Variants in LRP1B observed in about 807,000 individuals in gnomAD.
LRP1B encodes the protein LDL receptor related protein 1B.
A neutral mutation model predicts 556.6 loss-of-function variants in LRP1B; 217 were observed. The observed-to-expected ratio is 0.39, with a 90% CI of 0.35 to 0.44. The LOEUF is 0.44. LRP1B is among the 20% of genes least tolerant of loss of function. LRP1B has a pLI of 1.00. For missense variants in LRP1B, 5,053 were observed against 5,620.8 expected (o/e 0.90, Z 3.23); for synonymous variants, 2,047 against 1,865.8 (o/e 1.10, Z -2.50).
In LRP1B at chr2:141,015,692, T is replaced by G; in HGVS notation, c.2190+4A>C. ...GGTTAAAAACAGCAGCATTTGTCTT[T>G]TACCTTCCTGTGAGTCCCATTCAAA... On this transcript the variant is annotated splice_donor_region_variant and intron_variant, in intron 13 of 90. Coordinates refer to ENST00000389484, the MANE Select transcript of LRP1B (RefSeq NM_018557.3). 6.2e-7 allele frequency: 1 copy of G among 1,606,816 alleles called. No homozygotes were observed. The highest frequency in any genetic ancestry group is 1.1e-5 in the South Asian group (1 of 90,840).
intron 1 of LRP1B, among the ~76,000 whole-genome samples, chr2:141,873,419 G>A (rs1244274657): frequency 6.6e-6 from 1 of 152,026 alleles, no homozygotes; most frequent in East Asian, 1.9e-4. Flanking sequence ...AAAGCCAAAT[G>A]AGGTAAAAGC....
At chr2:141,829,336 C>T (rs879326229) in intron 1 of LRP1B, among the ~76,000 whole-genome samples, 1 of 151,910 alleles carries the variant, frequency 6.6e-6, no homozygotes, top group South Asian at 2.1e-4. Flanking sequence ...CTTTCTTGTT[C>T]TAAAGAGCGT....
chr2:141,611,938 T>A (rs1342957094), intron 2 of LRP1B, among the ~76,000 whole-genome samples: 1 of 152,228 alleles, frequency 6.6e-6, no homozygotes, highest in East Asian at 1.9e-4. Flanking sequence ...TCTGGATAAT[T>A]ATCAGCCATT....
intron 7 of LRP1B, among the ~76,000 whole-genome samples, chr2:141,155,510 G>T (rs1702045409): frequency 1.3e-5 from 2 of 150,620 alleles, no homozygotes; most frequent in South Asian, 2.1e-4. Flanking sequence ...TAAGTTCTGG[G>T]ATACATGTAC....
chr2:141,321,656 G>C (rs1199378139), intron 3 of LRP1B, among the ~76,000 whole-genome samples: 1 of 152,080 alleles, frequency 6.6e-6, no homozygotes, highest in African/African-American at 2.4e-5. Context: ...AGATTACTGA[G>C]AGGTGTGACA....
rs762774627 is a variant in LRP1B, at chr2:141,062,206, G to A, written c.1081C>T (p.Arg361Ter). The change falls in exon 8 of 91, where the codon CGA (arginine) becomes TGA (stop). Residue 361 changes from arginine to a stop codon, truncating the protein, a stop_gained. Transcript: ENST00000389484. LOFTEE classifies it high-confidence loss of function. ...GTCTTTGAATCAATTATCCTTGTTC[G>A]GTTCATCCCATCCATGTCACATCTC... ...VERCDMDGMN[R>*]TRIIDSKTEQ... The A allele has an allele frequency of 1.2e-6, 2 of 1,611,562 alleles. No homozygotes were observed. The highest frequency in any genetic ancestry group is 1.1e-5 in the South Asian group (1 of 91,012).
intron 7 of LRP1B, among the ~76,000 whole-genome samples, chr2:141,067,594 T>C (rs1699512906): frequency 6.6e-6 from 1 of 152,036 alleles, no homozygotes; most frequent in Non-Finnish European, 1.5e-5. Flanking sequence ...TGTGGCTGAC[T>C]CGTTGAACGT....
Position 141,618,928 on chromosome 2 carries a change from A to T in LRP1B, c.206-138395T>A, listed in dbSNP as rs139091282. 2.6e-4 allele frequency among the ~76,000 whole-genome samples: 39 copies of T among 152,330 alleles called. No individual in the cohort carries two copies. In the East Asian group the frequency reaches 6.4e-3, roughly 25 times the overall value. On this transcript the variant is annotated intron_variant, in intron 2 of 90. Coordinates refer to ENST00000389484, the MANE Select transcript of LRP1B (RefSeq NM_018557.3). ...AGATAAAGAGGAAAATACATTATAT[A>T]TTGGTAGCAAGACAGAAACAAACTT...
intron 3 of LRP1B, among the ~76,000 whole-genome samples, chr2:141,289,752 C>T (rs368836126): frequency 6.6e-6 from 1 of 152,048 alleles, no homozygotes; most frequent in Non-Finnish European, 1.5e-5. Flanking sequence ...TAGGAAAACA[C>T]GAAACAGTAA....
In LRP1B at chr2:140,557,116, C is replaced by T. The variant is rs1241232709; in HGVS notation, c.7195-15145G>A. Among the ~76,000 whole-genome samples, 3 of 152,072 alleles carry T rather than the reference C, an allele frequency of 2.0e-5. 1 individual carries two copies. In the South Asian group the frequency reaches 6.2e-4, roughly 31 times the overall value. ...GTTTTCAATCAAATTTATTACAGTA[C>T]GATTTACATACCAAGTGAGTTTTAA... On this transcript the variant is annotated intron_variant, in intron 43 of 90. Coordinates refer to ENST00000389484, the MANE Select transcript of LRP1B (RefSeq NM_018557.3).
chr2:141,529,766 G>A (rs1337691950), intron 2 of LRP1B, among the ~76,000 whole-genome samples: 2 of 151,994 alleles, frequency 1.3e-5, no homozygotes, highest in East Asian at 1.9e-4. Flanking sequence ...TCTACATAAA[G>A]GATCTTGGTA....
At chr2:141,407,815 C>T (rs62167976) in intron 3 of LRP1B, among the ~76,000 whole-genome samples, 63,574 of 151,980 alleles carry the variant, frequency 0.42, 14,585 homozygotes, top group Non-Finnish European at 0.53. Context: ...TTCTTTTTAA[C>T]GATGTAAGAA....
chr2:141,327,290 A>G (rs1170113233), intron 3 of LRP1B, among the ~76,000 whole-genome samples: 1 of 152,188 alleles, frequency 6.6e-6, no homozygotes, highest in Non-Finnish European at 1.5e-5. Flanking sequence ...GCAAAGTAAA[A>G]TGTAAGGAGC....
chr2:141,668,357 G>A (rs1200405199), intron 2 of LRP1B, among the ~76,000 whole-genome samples: 1 of 152,128 alleles, frequency 6.6e-6, no homozygotes, highest in Non-Finnish European at 1.5e-5. Flanking sequence ...TCCTAAATGG[G>A]AACAGGCATT....
At chr2:141,963,678 T>A (rs1701472536) in intron 1 of LRP1B, among the ~76,000 whole-genome samples, 1 of 149,964 alleles carries the variant, frequency 6.7e-6, no homozygotes, top group African/African-American at 2.5e-5. Context: ...CTTTGAAAAC[T>A]GGCACAAGAC....
At chr2:141,464,727 C>T (rs1682113970) in intron 3 of LRP1B, among the ~76,000 whole-genome samples, 3 of 150,994 alleles carry the variant, frequency 2.0e-5, no homozygotes, top group Admixed American at 1.3e-4. Flanking sequence ...CCCCTGCGCC[C>T]GTCCCTTTGC....
intron 1 of LRP1B, among the ~76,000 whole-genome samples, chr2:141,846,765 AC>A (rs1007838022): frequency 6.6e-5 from 10 of 151,432 alleles, no homozygotes; most frequent in African/African-American, 2.4e-4. Context: ...GACACAAAAA[AC>A]ATAGGATCGT....
intron 83 of LRP1B, among the ~76,000 whole-genome samples, chr2:140,311,600 G>C (rs1228540053): frequency 6.6e-6 from 1 of 151,758 alleles, no homozygotes. Flanking sequence ...TACACTAACA[G>C]TCCAGACTTC....
chr2:141,394,756 T>G (rs1200477843), intron 3 of LRP1B, among the ~76,000 whole-genome samples: 4 of 152,134 alleles, frequency 2.6e-5, no homozygotes, highest in African/African-American at 9.6e-5. Context: ...CAGTTGGAAC[T>G]TTAAAACTTA....
Sources: allele counts gnomAD v4.1 joint callset (sites outside exome capture counted in the v4.1 genomes callset), GRCh38; gene constraint gnomAD v4.1.1; transcripts MANE v1.5; gene names NCBI Gene and HGNC (gene_info 2026-07-23, HGNC 2026-07-21).